The following KNTC1 variants were observed in gnomAD, a reference collection of about 807,000 sequenced individuals.
KNTC1 encodes the protein kinetochore associated 1, also known as kinetochore-associated protein 1.
A neutral mutation model predicts 314.4 loss-of-function variants in KNTC1; 253 were observed. The observed-to-expected ratio is 0.80, with a 90% CI of 0.73 to 0.89. The LOEUF (loss-of-function observed/expected upper bound fraction) is 0.89, where lower values mean the gene tolerates loss of function less well. KNTC1 is among the 40% of genes least tolerant of loss of function. KNTC1 has a pLI of 0.00. For synonymous variants in KNTC1, 901 were observed against 901.4 expected (o/e 1.00, Z 0.01); for missense variants, 2,475 against 2,572.9 (o/e 0.96, Z 0.82).
intron 31 of KNTC1, among the ~76,000 whole-genome samples, chr12:122,579,275 G>A (rs1053851530): frequency 2.0e-5 from 3 of 150,514 alleles, no homozygotes; most frequent in Non-Finnish European, 4.4e-5. Flanking sequence ...CGTTTTAGCC[G>A]GGATGGTCTC....
At chr12:122,539,784 A>AATT in intron 5 of KNTC1, 30 bp downstream of exon 5, 1 of 1,259,924 alleles carries the variant, frequency 7.9e-7, no homozygotes, top group African/African-American at 1.7e-5. Context: ...TTTTTGAATG[A>AATT]CTTTTTTTTT....
intron 16 of KNTC1, among the ~76,000 whole-genome samples, chr12:122,555,798 G>T (rs907252008): frequency 4.7e-5 from 7 of 149,502 alleles, no homozygotes; most frequent in African/African-American, 1.7e-4. Context: ...GCAGTGAGCC[G>T]AGATCCTGCT....
chr12:122,594,272 C>G lies in KNTC1; in HGVS notation c.4246-4C>G, dbSNP rs376490295. ...TTGCTTTGTTTTTTTCTTTTTATTT[C>G]TAGATTTCTTTTCAACCAGTTTTCA... On this transcript the variant is annotated splice_region_variant and splice_polypyrimidine_tract_variant and intron_variant, in intron 42 of 63. Coordinates refer to ENST00000333479, the MANE Select transcript of KNTC1 (RefSeq NM_014708.6). The G allele has an allele frequency of 8.4e-6, 13 of 1,544,082 alleles. No homozygotes were observed. In the African/African-American group the frequency reaches 1.8e-4, roughly 21 times the overall value.
intron 19 of KNTC1, among the ~76,000 whole-genome samples, chr12:122,562,233 A>G (rs1411434549): frequency 1.3e-5 from 2 of 152,356 alleles, no homozygotes; most frequent in Non-Finnish European, 2.9e-5. Flanking sequence ...GATGTTGATT[A>G]TGATGGTGCT....
Position 122,539,747 on chromosome 12 carries a change from A to G in KNTC1, c.438A>G (p.Ser146=), listed in dbSNP as rs369383444. ...YQNLVIEKDG[S]NEGTYYMLLL... is the part of the protein sequence containing the mutation. ...ATCTTGTCATTGAGAAGGATGGTTC[A>G]AATGAAGGTAAGTTTTCCTGAATTT... The change falls in exon 5 of 64, where the codon TCA becomes TCG. Residue 146 remains serine, a synonymous_variant. Coordinates refer to ENST00000333479, the MANE Select transcript of KNTC1 (RefSeq NM_014708.6). 13 of 1,540,452 alleles carry G rather than the reference A, an allele frequency of 8.4e-6. No individual in the cohort carries two copies. Among genetic ancestry groups the G allele is most frequent in the Middle Eastern group, 3.4e-4 (2 of 5,864 alleles).
chr12:122,605,172 ATATT>A, intron 50 of KNTC1, 85 bp downstream of exon 50: 1 of 1,235,180 alleles, frequency 8.1e-7, no homozygotes, highest in Admixed American at 2.1e-5. Flanking sequence ...GTGTACATAT[ATATT>A]ACTTACATAT....
intron 3 of KNTC1, among the ~76,000 whole-genome samples, chr12:122,535,202 G>C (rs1225252806): frequency 6.6e-6 from 1 of 152,088 alleles, no homozygotes; most frequent in Non-Finnish European, 1.5e-5. Flanking sequence ...GAGCTACAAG[G>C]CTTCAAGTAC....
chr12:122,561,003 A>C (rs893192042), intron 18 of KNTC1, among the ~76,000 whole-genome samples: 5 of 152,166 alleles, frequency 3.3e-5, no homozygotes, highest in Non-Finnish European at 7.4e-5. Flanking sequence ...TATGCCAAAG[A>C]AATAATTTTT....
At chr12:122,553,627 C>T (rs560735919) in intron 16 of KNTC1, among the ~76,000 whole-genome samples, 8 of 151,904 alleles carry the variant, frequency 5.3e-5, no homozygotes, top group Non-Finnish European at 1.0e-4. Context: ...TTCTAAGGGT[C>T]GGAGACACCA....
intron 31 of KNTC1, among the ~76,000 whole-genome samples, chr12:122,579,669 G>A (rs1965270710): frequency 6.6e-6 from 1 of 152,090 alleles, no homozygotes; most frequent in Non-Finnish European, 1.5e-5. Context: ...GTAGTTGAAA[G>A]GTTATTTGGG....
At chr12:122,580,468 G>A (rs1043929666) in intron 32 of KNTC1, 135 bp from the exon 33 acceptor site, 6 of 591,504 alleles carry the variant, frequency 1.0e-5, no homozygotes, top group South Asian at 2.2e-5. Flanking sequence ...CTTAGTTACT[G>A]TATATTATCA....
At chr12:122,596,497 G>A (rs1318044288) in intron 43 of KNTC1, among the ~76,000 whole-genome samples, 1 of 151,488 alleles carries the variant, frequency 6.6e-6, no homozygotes, top group Non-Finnish European at 1.5e-5. Flanking sequence ...GATTACAGGC[G>A]TGAATCACGT....
At chr12:122,529,750 A>T (rs1190370800) in intron 1 of KNTC1, among the ~76,000 whole-genome samples, 1 of 152,222 alleles carries the variant, frequency 6.6e-6, no homozygotes, top group East Asian at 1.9e-4. Flanking sequence ...CACACAAAGT[A>T]ATGGAAGCTC....
rs1874545521 is a variant in KNTC1, at chr12:122,622,474, A to G, written c.6382A>G (p.Ile2128Val). 4 of 1,578,274 alleles carry G rather than the reference A, an allele frequency of 2.5e-6. No individual in the cohort carries two copies. Among genetic ancestry groups the G allele is most frequent in the Non-Finnish European group, 3.5e-6 (4 of 1,158,824 alleles). The change falls in exon 62 of 64, where the codon ATT (isoleucine) becomes GTT (valine). Residue 2128 changes from isoleucine to valine, a missense_variant. Transcript: ENST00000333479. ...TGTCATTCTATAGATTAGAAGTCTGATTTTGAATAATATCATCAATAAGAA... is the reference window on the plus strand; with the variant it reads ...TGTCATTCTATAGATTAGAAGTCTGGTTTTGAATAATATCATCAATAAGAA... ...AGFSHQIRSLILNNIINKKEF... is the reference protein window; with the variant it reads ...AGFSHQIRSLVLNNIINKKEF...
intron 34 of KNTC1, among the ~76,000 whole-genome samples, chr12:122,583,901 T>C (rs1221998748): frequency 6.6e-6 from 1 of 152,092 alleles, no homozygotes; most frequent in Non-Finnish European, 1.5e-5. Context: ...GGCAGGAGGA[T>C]TACTTCAGCC....
rs1869366665 is a variant in KNTC1 at position 122,586,728 on chromosome 12, C to T, written c.3701C>T (p.Thr1234Ile). Residue 1234 changes from threonine (T) to isoleucine (I), a missense_variant, in exon 38 of 64, where the codon ACC becomes ATC. Transcript: ENST00000333479. ...AESKRYPLES[T>I]SLPYCSLNEG... is the part of the protein sequence containing the mutation. ...AGCAAGAGATATCCCTTGGAGTCTA[C>T]CAGTTTGCCATACTGCTCCCTTAAT... 1.3e-6 allele frequency: 2 copies of T among 1,492,292 alleles called. No homozygotes were observed. The highest frequency in any genetic ancestry group is 2.5e-5 in the East Asian group (1 of 40,254). 92.4% of individuals were successfully genotyped at this position (1,492,292 alleles called of 1,614,324 possible).
chr12:122,530,211 A>T lies in KNTC1; in HGVS notation c.129+19A>T, dbSNP rs543452535. On this transcript the variant is annotated intron_variant, in intron 2 of 63. Transcript: ENST00000333479. Reference sequence around the variant, plus strand: ...TGAAAAGGTAGTGATTATTACACTGACTGTTTCATTCACAGAATTTTTACT... The same window carrying T: ...TGAAAAGGTAGTGATTATTACACTGTCTGTTTCATTCACAGAATTTTTACT... 53 of 1,607,748 alleles carry T rather than the reference A, an allele frequency of 3.3e-5. No individual in the cohort carries two copies. In the African/African-American group the frequency reaches 6.7e-4, roughly 20 times the overall value.
chr12:122,579,420 A>AT (rs996702268), intron 31 of KNTC1, among the ~76,000 whole-genome samples: 2 of 151,860 alleles, frequency 1.3e-5, no homozygotes, highest in Non-Finnish European at 2.9e-5. Flanking sequence ...AAATATTTGA[A>AT]TTTTTTTATT....
chr12:122,575,679 T>C (rs775542357), intron 28 of KNTC1, 33 bp downstream of exon 28: 14 of 1,512,786 alleles, frequency 9.3e-6, no homozygotes, highest in East Asian at 2.3e-5. Context: ...AATGTTGTTA[T>C]GCTCTGGAGA....
Sources: allele counts gnomAD v4.1 joint callset (sites outside exome capture counted in the v4.1 genomes callset), GRCh38; gene constraint gnomAD v4.1.1; transcripts MANE v1.5; gene names NCBI Gene and HGNC (gene_info 2026-07-23, HGNC 2026-07-21).